ADGRB3: variants seen among roughly 807,000 people sequenced by gnomAD.
The protein encoded by ADGRB3 is adhesion G protein-coupled receptor B3.
ADGRB3 carries 37 observed loss-of-function variants against 193.4 expected under a neutral mutation model. The ratio of observed to expected loss-of-function variants is 0.19; its 90% CI spans 0.15 to 0.25. ADGRB3 has a LOEUF of 0.25. Among genes scored for constraint, ADGRB3 ranks in the 10% least tolerant of loss-of-function variants. The pLI is 1.00. For synonymous variants in ADGRB3, 690 were observed against 644.2 expected (o/e 1.07, Z -1.08); for missense variants, 1,637 against 1,852.9 (o/e 0.88, Z 2.14).
intron 16 of ADGRB3, among the ~76,000 whole-genome samples, chr6:69,065,275 GA>G (rs1034185627): frequency 1.3e-5 from 2 of 152,088 alleles, no homozygotes; most frequent in Non-Finnish European, 2.9e-5. Context: ...TGCTAGAGAA[GA>G]AAAAGTCTCT....
intron 13 of ADGRB3, among the ~76,000 whole-genome samples, chr6:69,043,761 A>G (rs1436849946): frequency 3.3e-5 from 5 of 152,232 alleles, no homozygotes; most frequent in African/African-American, 1.2e-4. Context: ...AAAGACATTG[A>G]GACACAGAGA....
intron 3 of ADGRB3, among the ~76,000 whole-genome samples, chr6:68,815,264 C>A (rs1004124116): frequency 6.6e-6 from 1 of 152,090 alleles, no homozygotes; most frequent in African/African-American, 2.4e-5. Flanking sequence ...CAGTTCTAAA[C>A]CTTTTCCTTT....
chr6:69,272,690 G>C (rs1767207241), intron 20 of ADGRB3, among the ~76,000 whole-genome samples: 1 of 152,104 alleles, frequency 6.6e-6, no homozygotes, highest in Non-Finnish European at 1.5e-5. Flanking sequence ...GGAGAGATTA[G>C]GGATAGAGAA....
intron 3 of ADGRB3, among the ~76,000 whole-genome samples, chr6:68,850,952 T>G (rs1768386218): frequency 6.6e-6 from 1 of 152,050 alleles, no homozygotes; most frequent in Non-Finnish European, 1.5e-5. Flanking sequence ...TTCTCACATT[T>G]GAGCTCATTT....
intron 29 of ADGRB3, among the ~76,000 whole-genome samples, chr6:69,368,525 G>A (rs1408796297): frequency 6.6e-6 from 1 of 152,102 alleles, no homozygotes; most frequent in Non-Finnish European, 1.5e-5. Flanking sequence ...GGAAAGGCAG[G>A]AGGAATAAAA....
At chr6:69,332,015 A>T in intron 23 of ADGRB3, 1 of 985,384 alleles carries the variant, frequency 1.0e-6, no homozygotes, top group Non-Finnish European at 1.2e-6. Context: ...TATATTCACC[A>T]TCTTCATTGG....
intron 17 of ADGRB3, among the ~76,000 whole-genome samples, chr6:69,160,725 T>C (rs1435521892): frequency 1.3e-5 from 2 of 152,150 alleles, no homozygotes; most frequent in African/African-American, 2.4e-5. Context: ...ATTTGTAATA[T>C]CTGTAATGTT....
intron 17 of ADGRB3, among the ~76,000 whole-genome samples, chr6:69,092,786 A>G (rs1433889015): frequency 6.6e-6 from 1 of 152,220 alleles, no homozygotes; most frequent in East Asian, 1.9e-4. Context: ...TTGTGAAGAC[A>G]TTGGACGATT....
chr6:69,089,104 A>T (rs1772633112), intron 17 of ADGRB3, among the ~76,000 whole-genome samples: 1 of 152,262 alleles, frequency 6.6e-6, no homozygotes, highest in Non-Finnish European at 1.5e-5. Context: ...ATCTCCACAG[A>T]GGAAGTACTG....
intron 17 of ADGRB3, among the ~76,000 whole-genome samples, chr6:69,228,205 C>G (rs1162353765): frequency 6.6e-6 from 1 of 152,096 alleles, no homozygotes; most frequent in Non-Finnish European, 1.5e-5. Flanking sequence ...TGCAGTGAGT[C>G]GAGATTGCAC....
intron 17 of ADGRB3, among the ~76,000 whole-genome samples, chr6:69,104,321 A>G (rs548966072): frequency 7.5e-4 from 114 of 151,518 alleles, no homozygotes; most frequent in African/African-American, 2.2e-3. Flanking sequence ...TTTACTGAGA[A>G]TGATGGTTTC....
intron 4 of ADGRB3, among the ~76,000 whole-genome samples, chr6:68,935,046 G>GA (rs1767446927): frequency 6.6e-6 from 1 of 152,092 alleles, no homozygotes; most frequent in South Asian, 2.1e-4. Flanking sequence ...TAAACAGATG[G>GA]TCATCTATGC....
At chr6:68,826,333 TGAA>T (rs979101241) in intron 3 of ADGRB3, among the ~76,000 whole-genome samples, 52 of 152,110 alleles carry the variant, frequency 3.4e-4, no homozygotes, top group African/African-American at 1.3e-3. Context: ...AAGAAAGAAT[TGAA>T]GAAGGTGACC....
At chr6:68,861,366 G>A (rs1404849159) in intron 3 of ADGRB3, among the ~76,000 whole-genome samples, 3 of 152,040 alleles carry the variant, frequency 2.0e-5, no homozygotes, top group Non-Finnish European at 2.9e-5. Flanking sequence ...AAGGTCAGGA[G>A]ACTGAGACCA....
chr6:69,246,733 CG>C (rs769711590), intron 20 of ADGRB3, among the ~76,000 whole-genome samples: 1 of 152,292 alleles, frequency 6.6e-6, no homozygotes, highest in South Asian at 2.1e-4. Flanking sequence ...ATTACTGAAA[CG>C]ATTGAGATGT....
intron 3 of ADGRB3, among the ~76,000 whole-genome samples, chr6:68,818,412 C>T (rs1767677084): frequency 6.6e-6 from 1 of 152,036 alleles, no homozygotes; most frequent in South Asian, 2.1e-4. Context: ...TGCTTTCCTT[C>T]CTTTCCCCTT....
At position 68,815,025 on chromosome 6, in the gene ADGRB3, A is replaced by G. The variant is rs186749768; in HGVS notation, c.758-115534A>G. 2.1e-3 allele frequency among the ~76,000 whole-genome samples: 314 copies of G among 152,286 alleles called. 5 individuals are homozygous for G. Among genetic ancestry groups the G allele is most frequent in the Admixed American group, 5.3e-3 (81 of 15,282 alleles). On this transcript the variant is annotated intron_variant, in intron 3 of 31. Coordinates refer to ENST00000370598, the MANE Select transcript of ADGRB3 (RefSeq NM_001704.3). ...GCTATCTATGTCAAACCCACAGCCA[A>G]TATCATACTTGAATGGGCAAAAACT...
At chr6:69,153,110 AGGAAACC>A (rs1382029446) in intron 17 of ADGRB3, among the ~76,000 whole-genome samples, 19 of 152,194 alleles carry the variant, frequency 1.2e-4, no homozygotes, top group Non-Finnish European at 2.8e-4. Flanking sequence ...TTTAAAATGT[AGGAAACC>A]TATGAAACCC....
At chr6:69,069,983 C>T (rs1202437651) in intron 16 of ADGRB3, among the ~76,000 whole-genome samples, 1 of 151,970 alleles carries the variant, frequency 6.6e-6, no homozygotes, top group Non-Finnish European at 1.5e-5. Context: ...AGAGACAATA[C>T]AGTGTCAGTT....
Sources: allele counts gnomAD v4.1 joint callset (sites outside exome capture counted in the v4.1 genomes callset), GRCh38; gene constraint gnomAD v4.1.1; transcripts MANE v1.5; gene names NCBI Gene and HGNC (gene_info 2026-07-23, HGNC 2026-07-21).